Variants in CHD8 observed in about 807,000 individuals in gnomAD.
CHD8 encodes the protein ATP-dependent chromatin remodeler CHD8.
CHD8 carries 31 observed loss-of-function variants against 279.2 expected under a neutral mutation model. The ratio of observed to expected loss-of-function variants is 0.11; its 90% CI spans 0.08 to 0.15. The LOEUF is 0.15. Among genes scored for constraint, CHD8 ranks in the 10% least tolerant of loss-of-function variants. The pLI is 1.00. For missense variants in CHD8, 2,146 were observed against 3,230.5 expected, an observed-to-expected ratio of 0.66 and a Z score of 8.14; for synonymous variants, 1,081 against 1,139.6, an observed-to-expected ratio of 0.95 and a Z score of 1.04.
chr14:21,404,411 A>AC (rs1461633897), intron 16 of CHD8, among the ~76,000 whole-genome samples: 3 of 151,930 alleles, frequency 2.0e-5, no homozygotes, highest in Non-Finnish European at 4.4e-5. Flanking sequence ...AAAAAAAAAA[A>AC]AAAAAAAAAC....
chr14:21,401,678 G>T, intron 20 of CHD8, 165 bp from the exon 21 acceptor site: 1 of 583,468 alleles, frequency 1.7e-6, no homozygotes, highest in Non-Finnish European at 3.0e-6. Context: ...TCCACCCCCT[G>T]GGTTCAAGTG....
At chr14:21,387,441 T>C (rs1887304468) in intron 37 of CHD8, among the ~76,000 whole-genome samples, 1 of 151,860 alleles carries the variant, frequency 6.6e-6, no homozygotes, top group Non-Finnish European at 1.5e-5. Flanking sequence ...GAGACCAGCC[T>C]GACCAACATG....
intron 1 of CHD8, among the ~76,000 whole-genome samples, chr14:21,442,645 AGAGGAGAGGG>A (rs1457782555): frequency 8.6e-6 from 1 of 116,160 alleles, no homozygotes; most frequent in African/African-American, 3.3e-5. Flanking sequence ...AAAGGGGAGG[AGAGGAGAGGG>A]GAGGAGAGGA....
In CHD8 at chr14:21,405,072, C is replaced by A. The variant is rs1428261806; in HGVS notation, c.3307+137G>T. The A allele has an allele frequency of 2.7e-6, 2 of 745,604 alleles. No homozygotes were observed. The highest frequency in any genetic ancestry group is 4.3e-6 in the Non-Finnish European group (2 of 465,910). The allele number at this position is 745,604 out of a possible 1,614,324, so 46.2% of individuals were successfully genotyped here. A position where few individuals can be genotyped will look rare whatever the true frequency, so the allele number is the denominator to read the frequency against. On this transcript the variant is annotated intron_variant, in intron 16 of 37. Coordinates refer to ENST00000646647, the MANE Select transcript of CHD8 (RefSeq NM_001170629.2). The surrounding 1 kb of genome is among the most constrained non-coding windows in gnomAD (Gnocchi z 4.2). ...AGAGTCTCTTTTTTAAAAGGAGAACCATTTCCCTCCCATTCCTCAGTCCGC... is the reference window on the plus strand; with the variant it reads ...AGAGTCTCTTTTTTAAAAGGAGAACAATTTCCCTCCCATTCCTCAGTCCGC...
Position 21,431,338 on chromosome 14 carries a change from C to T in CHD8, c.306G>A (p.Gln102=), listed in dbSNP as rs1340902420. 6.5e-7 allele frequency: 1 copy of T among 1,540,264 alleles called. No individual in the cohort carries two copies. The highest frequency in any genetic ancestry group is 1.2e-5 in the South Asian group (1 of 84,342). The change falls in exon 2 of 38, where the codon CAG becomes CAA. Residue 102 remains glutamine (Q), a synonymous_variant. Transcript: ENST00000646647. ...GTAAGACAGGTTGGGCTGGCTGCTC[C>T]TGGCTGGCAGGCTGAGTGGTATAAT... ...LHDYTTQPAS[Q]EQPAQPVLQT...
At position 21,394,358 on chromosome 14, in the gene CHD8, C is replaced by T. The variant is rs1031408052; in HGVS notation, c.5518G>A (p.Asp1840Asn). The change falls in exon 31 of 38, where the codon GAT becomes AAT. Residue 1840 changes from aspartate (D) to asparagine (N), a missense_variant. Coordinates refer to ENST00000646647, the MANE Select transcript of CHD8 (RefSeq NM_001170629.2). ...TGGAAGTACTTGGTAAGGCTTTCAT[C>T]TGTCTTTTTGTCTAGTCGAGCAAAA... ...RTFARLDKKT[D>N]ESLTKYFHGF... 1 of 1,613,870 alleles carries T rather than the reference C, an allele frequency of 6.2e-7. No homozygotes were observed. Among genetic ancestry groups the T allele is most frequent in the African/African-American group, 1.3e-5 (1 of 74,916 alleles).
chr14:21,418,389 G>A (rs1024942224), intron 5 of CHD8, among the ~76,000 whole-genome samples: 3 of 152,010 alleles, frequency 2.0e-5, no homozygotes, highest in African/African-American at 4.8e-5. Flanking sequence ...GCATGGTGGC[G>A]TGCACCTGTA....
chr14:21,416,152 G>T (rs551616037), intron 5 of CHD8: 13 of 362,778 alleles, frequency 3.6e-5, no homozygotes, highest in African/African-American at 2.7e-4. Flanking sequence ...TCCACTAGTG[G>T]CAAGAAGCTC....
chr14:21,411,902 A>G (rs1231033193), intron 10 of CHD8, among the ~76,000 whole-genome samples: 2 of 152,014 alleles, frequency 1.3e-5, no homozygotes, highest in African/African-American at 4.8e-5. Flanking sequence ...TGTCTGTACT[A>G]GAAATTTAAA....
chr14:21,428,826 A>G, intron 3 of CHD8, 138 bp downstream of exon 3: 1 of 689,934 alleles, frequency 1.4e-6, no homozygotes, highest in East Asian at 2.8e-5. Context: ...CATGAATGAA[A>G]GAATTAAGTC....
Position 21,430,914 on chromosome 14 carries a change from G to C in CHD8, c.730C>G (p.Pro244Ala). ...AVQRIVQPSR[P>A]VKQLVLQPVK... ...GGCTGGAGGACCAGCTGCTTTACTGGTCGGCTGGGCTGGACAATGCGCTGA... is the reference window on the plus strand; with the variant it reads ...GGCTGGAGGACCAGCTGCTTTACTGCTCGGCTGGGCTGGACAATGCGCTGA... The change falls in exon 2 of 38, where the codon CCA becomes GCA. Residue 244 changes from proline (P) to alanine (A), a missense_variant. This residue lies in a region of CHD8 where 302 missense variants were observed against 325.5 expected (regional missense o/e 0.93). Coordinates refer to ENST00000646647, the MANE Select transcript of CHD8 (RefSeq NM_001170629.2). The C allele has an allele frequency of 2.5e-6, 4 of 1,599,498 alleles. No homozygotes were observed. The highest frequency in any genetic ancestry group is 3.4e-6 in the Non-Finnish European group (4 of 1,179,770).
At chr14:21,454,648 T>C (rs1332405492) in intron 1 of CHD8, among the ~76,000 whole-genome samples, 1 of 152,168 alleles carries the variant, frequency 6.6e-6, no homozygotes, top group Non-Finnish European at 1.5e-5. Flanking sequence ...CCTAAGCCTG[T>C]CTCTTCAAAC....
intron 1 of CHD8, among the ~76,000 whole-genome samples, chr14:21,438,678 C>A (rs909283487): frequency 6.6e-6 from 1 of 151,774 alleles, no homozygotes; most frequent in Non-Finnish European, 1.5e-5. Flanking sequence ...ACTAAAAATA[C>A]AAAAATTACT....
At chr14:21,395,385 C>CG (rs1566415671) in intron 28 of CHD8, 33 bp from the exon 29 acceptor site, 2 of 1,532,094 alleles carry the variant, frequency 1.3e-6, no homozygotes, top group African/African-American at 2.7e-5. Context: ...TAGGATGGAG[C>CG]GGGGAGGGAA....
intron 1 of CHD8, among the ~76,000 whole-genome samples, chr14:21,454,389 C>T (rs1594399885): frequency 1.3e-5 from 2 of 152,298 alleles, no homozygotes; most frequent in East Asian, 3.9e-4. Context: ...ACGATCTTGG[C>T]TCACTGCAAT....
chr14:21,398,728 A>G (rs1887899484), intron 26 of CHD8: 1 of 153,892 alleles, frequency 6.5e-6, no homozygotes, highest in Non-Finnish European at 1.4e-5. Flanking sequence ...AAGAGTAAGG[A>G]AATATTCTTA....
At chr14:21,401,565 C>A in intron 20 of CHD8, 52 bp from the exon 21 acceptor site, 1 of 1,058,200 alleles carries the variant, frequency 9.5e-7, no homozygotes. Context: ...TTAAGTGGTG[C>A]AAAATCAGCA....
At chr14:21,425,975 C>T (rs2139526373) in intron 5 of CHD8, 153 bp downstream of exon 5, 1 of 566,044 alleles carries the variant, frequency 1.8e-6, no homozygotes, top group Non-Finnish European at 3.1e-6. Context: ...AAAAAAGACA[C>T]TGGCCAGGTC....
At chr14:21,392,921 A>G in intron 33 of CHD8, 112 bp from the exon 34 acceptor site, 1 of 1,290,474 alleles carries the variant, frequency 7.7e-7, no homozygotes. Context: ...CATAAGGCAG[A>G]AAAGAGGAAG....
Sources: allele counts gnomAD v4.1 joint callset (sites outside exome capture counted in the v4.1 genomes callset), GRCh38; gene constraint gnomAD v4.1.1; regional missense constraint gnomAD v4.1.1; non-coding constraint Gnocchi (gnomAD v3.1); transcripts MANE v1.5; gene names NCBI Gene and HGNC (gene_info 2026-07-23, HGNC 2026-07-21).